The following PIGG variants were observed in gnomAD, a reference collection of about 807,000 sequenced individuals.
PIGG encodes phosphatidylinositol glycan anchor biosynthesis class G (EMM blood group), also known as GPI ethanolamine phosphate transferase 2, catalytic subunit.
A neutral mutation model predicts 83.2 loss-of-function variants in PIGG; 70 were observed. The observed-to-expected ratio is 0.84, with a 90% CI of 0.69 to 1.03. PIGG has a LOEUF of 1.03. PIGG is among the 50% of genes least tolerant of loss of function. The pLI is 0.00. For missense variants in PIGG, 1,257 were observed against 1,233.6 expected (o/e 1.02, Z -0.28); for synonymous variants, 532 against 519.5 (o/e 1.02, Z -0.33).
Position 507,621 on chromosome 4 carries a change from C to A in PIGG, c.759+28C>A, listed in dbSNP as rs188458051. ...GAGGCTCGCCGTCGCTCACTGTCTGCTGATGTGGTTTCACGTGGATGTTCC... is the reference window on the plus strand; with the variant it reads ...GAGGCTCGCCGTCGCTCACTGTCTGATGATGTGGTTTCACGTGGATGTTCC... On this transcript the variant is annotated intron_variant, in intron 4 of 12. Transcript: ENST00000453061. The A allele has an allele frequency of 5.7e-4, 897 of 1,579,450 alleles. 3 individuals carry two copies. Among genetic ancestry groups the A allele is most frequent in the Non-Finnish European group, 5.0e-4 (578 of 1,156,922 alleles).
At chr4:521,591 C>T in intron 7 of PIGG, 69 bp from the exon 8 acceptor site, 1 of 1,464,264 alleles carries the variant, frequency 6.8e-7, no homozygotes, top group Non-Finnish European at 9.4e-7. Flanking sequence ...AGAGCGGGAG[C>T]TGGGCTTATT....
intron 10 of PIGG, 51 bp from the exon 11 acceptor site, chr4:530,385 G>T (rs1342099422): frequency 7.6e-7 from 1 of 1,319,144 alleles, no homozygotes; most frequent in South Asian, 1.3e-5. Flanking sequence ...AAATGTTTTT[G>T]AATTTTTCTC....
intron 5 of PIGG, among the ~76,000 whole-genome samples, chr4:510,401 G>A (rs1408343794): frequency 6.6e-6 from 1 of 152,218 alleles, no homozygotes; most frequent in Non-Finnish European, 1.5e-5. Context: ...CCCTGGGCGG[G>A]CCAGGTGTTC....
rs1553878918 is a variant in PIGG, at chr4:505,921, C to T, written c.564C>T (p.Tyr188=). 2.5e-6 allele frequency: 4 copies of T among 1,606,606 alleles called. No individual in the cohort carries two copies. The highest frequency in any genetic ancestry group is 3.4e-6 in the Non-Finnish European group (4 of 1,174,418). The part of the protein sequence containing the change: ...DGTTSFFVSD[Y]TEVDNNVTRH... ...CAACCTCATTTTTCGTGTCAGATTA[C>T]ACAGAGGTCAGTTTTTAAAATAAGA... The change falls in exon 3 of 13, where the codon TAC becomes TAT. Residue 188 remains tyrosine (Y), a synonymous_variant. Coordinates refer to ENST00000453061, the MANE Select transcript of PIGG (RefSeq NM_001127178.3).
Position 530,658 on chromosome 4 carries a change from T to A in PIGG, c.2484T>A (p.Thr828=), listed in dbSNP as rs1392106202. Residue 828 remains threonine (T), a synonymous_variant, in exon 11 of 13, where the codon ACT becomes ACA. Coordinates refer to ENST00000453061, the MANE Select transcript of PIGG (RefSeq NM_001127178.3). ...GCCTCTTGATTCAGACTCTAATGAC[T>A]AAATTCATCTGGAAGCCCCTGAGAC... ...AFSLLIQTLM[T]KFIWKPLRHD... 1.2e-6 allele frequency: 2 copies of A among 1,613,528 alleles called. No homozygotes were observed. Among genetic ancestry groups the A allele is most frequent in the Admixed American group, 3.3e-5 (2 of 60,006 alleles).
intron 5 of PIGG, among the ~76,000 whole-genome samples, chr4:510,450 G>A (rs1197521338): frequency 2.0e-5 from 3 of 152,226 alleles, no homozygotes; most frequent in African/African-American, 7.2e-5. Context: ...CTTCCAGCGT[G>A]GGCGTCATGG....
intron 4 of PIGG, 49 bp from the exon 5 acceptor site, chr4:508,780 G>A (rs781820642): frequency 3.6e-5 from 56 of 1,571,962 alleles, no homozygotes; most frequent in Non-Finnish European, 4.8e-5. Flanking sequence ...AAGATGATGT[G>A]CTCTCTTCAG....
At chr4:535,167 A>G (rs1730171198) in intron 12 of PIGG, among the ~76,000 whole-genome samples, 1 of 151,662 alleles carries the variant, frequency 6.6e-6, no homozygotes, top group South Asian at 2.1e-4. Context: ...GTGATTCTGT[A>G]CCTCCCAACT....
At chr4:521,965 G>A (rs1023256835) in intron 8 of PIGG, 24 bp downstream of exon 8, 16 of 1,611,122 alleles carry the variant, frequency 9.9e-6, no homozygotes, top group Middle Eastern at 1.6e-4. Flanking sequence ...GTTCCTGGGA[G>A]TGTGACGTAG....
chr4:499,536 C>G (rs1019141279), intron 1 of PIGG, 47 bp downstream of exon 1: 1 of 1,523,432 alleles, frequency 6.6e-7, no homozygotes, highest in African/African-American at 1.4e-5. Flanking sequence ...CCCACATCCC[C>G]TAGAAGACCT....
At chr4:506,753 T>A (rs1431396026) in intron 3 of PIGG, 2 of 456,096 alleles carry the variant, frequency 4.4e-6, no homozygotes, top group African/African-American at 4.0e-5. Context: ...GTGATGTGTT[T>A]ATTTCAGAAA....
chr4:534,065 G>T (rs1455916253), intron 12 of PIGG, 84 bp downstream of exon 12: 13 of 1,187,716 alleles, frequency 1.1e-5, no homozygotes, highest in African/African-American at 6.1e-5. Flanking sequence ...GATGCAAGGG[G>T]GTCTAAGCTC....
At chr4:534,078 T>A in intron 12 of PIGG, 97 bp downstream of exon 12, 3 of 1,013,280 alleles carry the variant, frequency 3.0e-6, no homozygotes, top group South Asian at 1.4e-5. Flanking sequence ...CTAAGCTCCA[T>A]GGGTCCAACA....
intron 12 of PIGG, among the ~76,000 whole-genome samples, chr4:538,778 C>G (rs1247571739): frequency 6.6e-6 from 1 of 152,160 alleles, no homozygotes; most frequent in African/African-American, 2.4e-5. Context: ...TACATACAGT[C>G]AAGTTTCAGA....
chr4:502,955 A>G (rs1553876647), intron 2 of PIGG, among the ~76,000 whole-genome samples: 2 of 152,046 alleles, frequency 1.3e-5, no homozygotes, highest in African/African-American at 4.8e-5. Context: ...GGACAGTCCT[A>G]TGGAAACTGG....
intron 5 of PIGG, among the ~76,000 whole-genome samples, chr4:512,613 G>A (rs1327778564): frequency 2.6e-5 from 4 of 151,802 alleles, no homozygotes; most frequent in Admixed American, 1.3e-4. Context: ...GCAGAAGTTC[G>A]AGACCAGCCT....
intron 12 of PIGG, among the ~76,000 whole-genome samples, chr4:535,528 C>T (rs1019257643): frequency 2.5e-5 from 3 of 120,758 alleles, no homozygotes; most frequent in Admixed American, 7.7e-5. Context: ...CAGAGCTTTG[C>T]GTGTGTCCTG....
At chr4:521,573 C>A in intron 7 of PIGG, 87 bp from the exon 8 acceptor site, 1 of 1,272,118 alleles carries the variant, frequency 7.9e-7, no homozygotes, top group Non-Finnish European at 1.1e-6. Flanking sequence ...GTGTGGACAG[C>A]TGACACGAGA....
chr4:506,586 T>C (rs1719791461), intron 3 of PIGG, among the ~76,000 whole-genome samples: 1 of 152,174 alleles, frequency 6.6e-6, no homozygotes, highest in Non-Finnish European at 1.5e-5. Flanking sequence ...TACTTTTCAG[T>C]AATGACTGAG....
Sources: allele counts gnomAD v4.1 joint callset (sites outside exome capture counted in the v4.1 genomes callset), GRCh38; gene constraint gnomAD v4.1.1; transcripts MANE v1.5; gene names NCBI Gene and HGNC (gene_info 2026-07-23, HGNC 2026-07-21).